The following TBC1D31 variants were observed in gnomAD, a reference collection of about 807,000 sequenced individuals.
The protein encoded by TBC1D31 is TBC1 domain family member 31, also known as WD repeat domain 67.
TBC1D31 carries 99 observed loss-of-function variants against 132.9 expected under a neutral mutation model. The observed-to-expected ratio is 0.74, with a 90% confidence interval of 0.63 to 0.88. The LOEUF is 0.88. Ranked by LOEUF, TBC1D31 falls within the 40% of genes least tolerant of loss-of-function variation. The pLI is 0.00. For missense variants in TBC1D31, 1,134 were observed against 1,256.6 expected (o/e 0.90, Z 1.48); for synonymous variants, 385 against 419.4 (o/e 0.92, Z 1.00).
intron 1 of TBC1D31, among the ~76,000 whole-genome samples, chr8:123,075,544 A>T (rs1431908550): frequency 6.6e-6 from 1 of 152,156 alleles, no homozygotes; most frequent in Non-Finnish European, 1.5e-5. Flanking sequence ...TCTACTAAAA[A>T]TACAAAAAAT....
At chr8:123,076,997 G>A (rs563271861) in intron 1 of TBC1D31, 114 bp from the exon 2 acceptor site, 27 of 968,452 alleles carry the variant, frequency 2.8e-5, no homozygotes, top group East Asian at 1.3e-4. Flanking sequence ...GGGGTATAGC[G>A]GTAGCAGTAG....
At chr8:123,144,684 A>G (rs1822014696) in intron 19 of TBC1D31, 33 bp from the exon 20 acceptor site, 2 of 1,586,936 alleles carry the variant, frequency 1.3e-6, no homozygotes, top group Non-Finnish European at 1.7e-6. Flanking sequence ...TATACTTTTT[A>G]TGTAATCTTT....
Position 123,118,428 on chromosome 8 carries a change from G to A in TBC1D31, c.1437-1627G>A, listed in dbSNP as rs1819160373. Among the ~76,000 whole-genome samples, 3 of 152,094 alleles carry A rather than the reference G, an allele frequency of 2.0e-5. No homozygotes were observed. In the South Asian group the frequency reaches 6.2e-4, roughly 31 times the overall value. On this transcript the variant is annotated intron_variant, in intron 10 of 21. Coordinates refer to ENST00000287380, the MANE Select transcript of TBC1D31 (RefSeq NM_145647.4). ...GAAAGTTAAAAAAAGGAAATTAACAGTACAGGTATTAGAAGTACATGTGGG... is the reference window on the plus strand; with the variant it reads ...GAAAGTTAAAAAAAGGAAATTAACAATACAGGTATTAGAAGTACATGTGGG...
chr8:123,144,697 T>C lies in TBC1D31; in HGVS notation c.2836-20T>C, dbSNP rs112702849. On this transcript the variant is annotated intron_variant, in intron 19 of 21. Transcript: ENST00000287380. The stretch of plus-strand genomic sequence containing the variant: ...ACTATACTTTTTATGTAATCTTTTT[T>C]TCCATTTATTTGAATTTAGTGGAAG... The C allele has an allele frequency of 1.3e-6, 2 of 1,595,066 alleles. No individual in the cohort carries two copies. Among genetic ancestry groups the C allele is most frequent in the African/African-American group, 2.7e-5 (2 of 73,618 alleles).
chr8:123,110,464 G>T, intron 10 of TBC1D31, among the ~76,000 whole-genome samples: 1 of 152,152 alleles, frequency 6.6e-6, no homozygotes, highest in Non-Finnish European at 1.5e-5. Flanking sequence ...AGCAGTGATA[G>T]AGCTAAGATT....
At chr8:123,134,051 A>T in intron 16 of TBC1D31, 63 bp from the exon 17 acceptor site, 2 of 1,319,030 alleles carry the variant, frequency 1.5e-6, no homozygotes, top group Non-Finnish European at 2.1e-6. Flanking sequence ...CAGGATTACT[A>T]AATATATTAA....
intron 8 of TBC1D31, among the ~76,000 whole-genome samples, chr8:123,107,087 C>G (rs564367093): frequency 1.3e-5 from 2 of 152,338 alleles, no homozygotes; most frequent in South Asian, 4.1e-4. Context: ...AAATTTCAGA[C>G]TCCCAGAAGG....
chr8:123,073,530 G>A, intron 1 of TBC1D31: 1 of 380,512 alleles, frequency 2.6e-6, no homozygotes, highest in East Asian at 7.4e-5. Flanking sequence ...TCCTGTTTGA[G>A]GCTCAGCCTG....
intron 8 of TBC1D31, among the ~76,000 whole-genome samples, chr8:123,107,982 G>C (rs947876647): frequency 1.3e-5 from 2 of 152,210 alleles, no homozygotes; most frequent in African/African-American, 4.8e-5. Context: ...CAGGTATCTT[G>C]ATGATGAAGT....
intron 4 of TBC1D31, among the ~76,000 whole-genome samples, chr8:123,086,475 T>C (rs1041810685): frequency 6.6e-6 from 1 of 152,152 alleles, no homozygotes; most frequent in Non-Finnish European, 1.5e-5. Context: ...GGAGGCTTTC[T>C]GCAGAGTCAG....
chr8:123,154,846 G>A (rs1323006605), downstream of TBC1D31, among the ~76,000 whole-genome samples: 3 of 152,212 alleles, frequency 2.0e-5, no homozygotes, highest in Admixed American at 6.5e-5. Flanking sequence ...GGTGGGCCGT[G>A]AAGCAAGAGC....
At chr8:123,135,353 G>T (rs1318348761) in intron 17 of TBC1D31, among the ~76,000 whole-genome samples, 2 of 152,120 alleles carry the variant, frequency 1.3e-5, no homozygotes, top group African/African-American at 4.8e-5. Context: ...ATTTAGTGTT[G>T]AAACTGTAAG....
chr8:123,127,117 G>A (rs1171954283), intron 13 of TBC1D31, among the ~76,000 whole-genome samples: 2 of 152,020 alleles, frequency 1.3e-5, no homozygotes, highest in African/African-American at 4.8e-5. Context: ...TAGGTAGTAG[G>A]AATATAAAGG....
At chr8:123,075,347 C>T (rs746202729) in intron 1 of TBC1D31, among the ~76,000 whole-genome samples, 7 of 152,142 alleles carry the variant, frequency 4.6e-5, no homozygotes, top group Admixed American at 2.0e-4. Flanking sequence ...ATGTTTAATC[C>T]ACTTAATTCA....
chr8:123,164,482 G>A, the TBC1D31 span, among the ~76,000 whole-genome samples: 1 of 152,176 alleles, frequency 6.6e-6, no homozygotes, highest in South Asian at 2.1e-4. Context: ...AGCACTTCAG[G>A]AGGCTGAGGT....
At chr8:123,115,185 T>C (rs1264405862) in intron 10 of TBC1D31, among the ~76,000 whole-genome samples, 1 of 152,246 alleles carries the variant, frequency 6.6e-6, no homozygotes, top group East Asian at 1.9e-4. Context: ...AGTGTTACTG[T>C]GTTTTCACCG....
chr8:123,075,610 GGAGA>G, intron 1 of TBC1D31, among the ~76,000 whole-genome samples: 1 of 152,172 alleles, frequency 6.6e-6, no homozygotes, highest in East Asian at 1.9e-4. Context: ...GGCTGAGGCA[GGAGA>G]ATCACTTGAA....
downstream of TBC1D31, among the ~76,000 whole-genome samples, chr8:123,154,343 G>A (rs1451658912): frequency 1.3e-5 from 2 of 152,220 alleles, no homozygotes; most frequent in East Asian, 1.9e-4. Context: ...ACTGAGGAGA[G>A]TACTCAAGGA....
rs756108156 is a variant in TBC1D31 at position 123,084,225 on chromosome 8, A to G, written c.404A>G (p.His135Arg). 13 of 1,614,074 alleles carry G rather than the reference A, an allele frequency of 8.1e-6. No homozygotes were observed. Among genetic ancestry groups the G allele is most frequent in the African/African-American group, 1.3e-5 (1 of 74,938 alleles). The change falls in exon 4 of 22, where the codon CAT becomes CGT. Residue 135 changes from histidine to arginine, a missense_variant. Transcript: ENST00000287380. ...HESSVFSISV[H>R]ASGKYAITTS... is the part of the protein sequence containing the mutation. Reference sequence around the variant, plus strand: ...TCATCAGTATTTTCGATCTCTGTGCATGCATCAGGGAAATATGCCATCACA... The same window carrying G: ...TCATCAGTATTTTCGATCTCTGTGCGTGCATCAGGGAAATATGCCATCACA...
Sources: gnomAD v4.1 joint callset for allele counts (sites outside exome capture counted in the v4.1 genomes callset) on GRCh38, gnomAD v4.1.1 for gene constraint, MANE v1.5 for transcripts, NCBI Gene and HGNC (gene_info 2026-07-23, HGNC 2026-07-21) for gene names.